Variants in WDFY4 observed in about 807,000 individuals in gnomAD.
The protein encoded by WDFY4 is WDFY family member 4.
A neutral mutation model predicts 351.9 loss-of-function variants in WDFY4; 169 were observed. The observed-to-expected ratio is 0.48, with a 90% confidence interval of 0.42 to 0.55. WDFY4 has a LOEUF of 0.55. WDFY4 is among the 20% of genes least tolerant of loss of function. WDFY4 has a pLI of 0.00. For synonymous variants in WDFY4, 1,622 were observed against 1,574.6 expected (o/e 1.03, Z -0.71); for missense variants, 3,803 against 3,935.6 (o/e 0.97, Z 0.90).
chr10:48,692,301 G>T (rs1005137388), intron 1 of WDFY4, among the ~76,000 whole-genome samples: 3 of 152,188 alleles, frequency 2.0e-5, no homozygotes, highest in African/African-American at 7.2e-5. Flanking sequence ...TGTGGGCCAG[G>T]ACACCTTTAC....
At chr10:48,970,899 C>A (rs1370947199) in intron 57 of WDFY4, among the ~76,000 whole-genome samples, 1 of 152,154 alleles carries the variant, frequency 6.6e-6, no homozygotes, top group Non-Finnish European at 1.5e-5. Context: ...ACCACCAGCC[C>A]TCATAGAGAA....
At position 48,808,784 on chromosome 10, in the gene WDFY4, A is replaced by G. The variant is rs544143424; in HGVS notation, c.4838+826A>G. Reference sequence around the variant, plus strand: ...AGCCACTTTCTTTTCCATCTTTTTGAAAGGGAATGTAGTGCAGTGCCTAAC... The same window carrying G: ...AGCCACTTTCTTTTCCATCTTTTTGGAAGGGAATGTAGTGCAGTGCCTAAC... On this transcript the variant is annotated intron_variant, in intron 28 of 61. Transcript: ENST00000325239. Among the ~76,000 whole-genome samples, 17 of 152,308 alleles carry G rather than the reference A, an allele frequency of 1.1e-4. No homozygotes were observed. In the South Asian group the frequency reaches 3.1e-3, roughly 28 times the overall value.
chr10:48,951,484 A>C (rs189885026), intron 51 of WDFY4, among the ~76,000 whole-genome samples: 2 of 152,308 alleles, frequency 1.3e-5, no homozygotes, highest in Admixed American at 6.5e-5. Flanking sequence ...GCATGATCAT[A>C]GTTCATAGCA....
At chr10:48,786,951 G>A in intron 20 of WDFY4, 81 bp downstream of exon 20, 1 of 1,284,628 alleles carries the variant, frequency 7.8e-7, no homozygotes, top group Non-Finnish European at 1.1e-6. Flanking sequence ...CAGATTTGCA[G>A]AGAATAAGCT....
At chr10:48,690,773 T>C (rs566778867) in intron 1 of WDFY4, among the ~76,000 whole-genome samples, 1 of 152,276 alleles carries the variant, frequency 6.6e-6, no homozygotes, top group Non-Finnish European at 1.5e-5. Flanking sequence ...CTCTCCATCC[T>C]CTGCTCTGTT....
In WDFY4 at chr10:48,743,319, G is replaced by T. The variant is rs2064912272; in HGVS notation, c.2230G>T (p.Asp744Tyr). 1 of 1,551,534 alleles carries T rather than the reference G, an allele frequency of 6.4e-7. No individual in the cohort carries two copies. The highest frequency in any genetic ancestry group is 1.4e-5 in the African/African-American group (1 of 73,042). ...GGACACAAAGGCCAGGCCATTTGCA[G>T]ATTTGCTGGGCACTGCCTTTTCCTC... Reference protein sequence around the residue: ...WVDTKARPFADLLGTAFSSSG... With the variant: ...WVDTKARPFAYLLGTAFSSSG... The change falls in exon 12 of 62, where the codon GAT becomes TAT. Residue 744 changes from aspartate (D) to tyrosine (Y), a missense_variant. Physicochemically the swap from Asp to Tyr is radical, Grantham distance 160. Coordinates refer to ENST00000325239, the MANE Select transcript of WDFY4 (RefSeq NM_001394531.1).
In WDFY4 at chr10:48,811,700, G is replaced by A. The variant is rs931564189; in HGVS notation, c.5206G>A (p.Gly1736Arg). The change falls in exon 30 of 62, where the codon GGG becomes AGG. Residue 1736 changes from glycine (G) to arginine (R), a missense_variant. Around this residue, in one of 3 missense-constraint regions of WDFY4, gnomAD observed 3,054 missense variants for 3,148.6 expected, o/e 0.97. Transcript: ENST00000325239. ...GACACCACTCACAGAGCTGATGGAC[G>A]GGCCCAAAGTAGGTTTTCAGAGCAC... ...LQTPLTELMD[G>R]PKDSLDAMLQ... 29 of 1,551,472 alleles carry A rather than the reference G, an allele frequency of 1.9e-5. No homozygotes were observed. The highest frequency in any genetic ancestry group is 1.7e-4 in the Middle Eastern group (1 of 6,010).
At chr10:48,922,362 A>C (rs985526664) in intron 47 of WDFY4, among the ~76,000 whole-genome samples, 3 of 152,182 alleles carry the variant, frequency 2.0e-5, no homozygotes, top group African/African-American at 7.2e-5. Flanking sequence ...TGATGCTGGT[A>C]GTTCAGATAT....
intron 39 of WDFY4, among the ~76,000 whole-genome samples, chr10:48,842,319 T>G (rs937305180): frequency 2.2e-4 from 34 of 151,926 alleles, no homozygotes; most frequent in African/African-American, 8.0e-4. Context: ...GGCATCATCA[T>G]TGCACAGCAG....
chr10:48,980,360 T>C (rs1842759522), intron 60 of WDFY4, among the ~76,000 whole-genome samples: 1 of 152,224 alleles, frequency 6.6e-6, no homozygotes, highest in Non-Finnish European at 1.5e-5. Flanking sequence ...GATATTTGCA[T>C]GTGTGTCCTC....
At chr10:48,807,678 C>A (rs112723817) in intron 27 of WDFY4, among the ~76,000 whole-genome samples, 181 bp from the exon 28 acceptor site, 40 of 152,260 alleles carry the variant, frequency 2.6e-4, no homozygotes, top group Non-Finnish European at 5.1e-4. Context: ...ACTTCAGTAA[C>A]ATTTTCTGAA....
At chr10:48,691,474 C>T (rs1053690643) in intron 1 of WDFY4, among the ~76,000 whole-genome samples, 7 of 152,160 alleles carry the variant, frequency 4.6e-5, no homozygotes, top group Non-Finnish European at 8.8e-5. Flanking sequence ...CCCTGCTGGC[C>T]GGCTGGCAAC....
At chr10:48,918,460 A>G (rs187219531) in intron 47 of WDFY4, among the ~76,000 whole-genome samples, 75 of 152,364 alleles carry the variant, frequency 4.9e-4, no homozygotes, top group Non-Finnish European at 9.8e-4. Flanking sequence ...TTTCAGAACA[A>G]GAAAATTTAC....
At chr10:48,979,550 A>AATGG (rs1158054684) in intron 60 of WDFY4, 2 of 147,822 alleles carry the variant, frequency 1.4e-5, no homozygotes, top group African/African-American at 5.1e-5. Flanking sequence ...TGGATGGGTA[A>AATGG]ATGGATGGAT....
Position 48,788,515 on chromosome 10 carries a change from G to A in WDFY4, c.3809-15G>A, listed in dbSNP as rs886305701. ...TAAAGTTAGACTAGAAATGTTTAAA[G>A]ATGTGTTGTTACAGGGGAGGACCTG... On this transcript the variant is annotated splice_polypyrimidine_tract_variant and intron_variant, in intron 20 of 61. Coordinates refer to ENST00000325239, the MANE Select transcript of WDFY4 (RefSeq NM_001394531.1). 3 of 1,550,464 alleles carry A rather than the reference G, an allele frequency of 1.9e-6. No homozygotes were observed. In the African/African-American group the frequency reaches 4.1e-5, roughly 21 times the overall value.
In WDFY4 at chr10:48,830,682, A is replaced by G. The variant is rs184503871; in HGVS notation, c.6341-18A>G. 7.2e-5 allele frequency: 111 copies of G among 1,548,188 alleles called. No individual in the cohort carries two copies. The East Asian group carries it at 2.5e-3, about 35-fold the overall frequency. ...TCACTGAGGCCATCCTGAGTGTGCC[A>G]TGTGCTCTCTCTGCTAGTCCAACAC... On this transcript the variant is annotated intron_variant, in intron 37 of 61. Transcript: ENST00000325239.
chr10:48,978,339 G>A lies in WDFY4; in HGVS notation c.9322G>A (p.Val3108Ile). 6.4e-7 allele frequency: 1 copy of A among 1,551,428 alleles called. No homozygotes were observed. The highest frequency in any genetic ancestry group is 2.4e-5 in the East Asian group (1 of 40,896). Residue 3108 changes from valine (V) to isoleucine (I), a missense_variant, in exon 60 of 62, where the codon GTT (valine) becomes ATT (isoleucine). Val to Ile is a conservative substitution (Grantham distance 29). Transcript: ENST00000325239. ...GAAGACTGAGGATGTGAAGATGTCT[G>A]TTCCTGGACGGCCAGCAGGAGAGGA... ...VWKTEDVKMS[V>I]PGRPAGEEPP...
chr10:48,905,460 C>T (rs1009301573), intron 47 of WDFY4, among the ~76,000 whole-genome samples: 3 of 152,218 alleles, frequency 2.0e-5, no homozygotes, highest in African/African-American at 4.8e-5. Context: ...TTCTGTGGTA[C>T]AGTTGAGCCC....
At chr10:48,886,856 AT>A (rs1305576583) in intron 43 of WDFY4, among the ~76,000 whole-genome samples, 1 of 152,212 alleles carries the variant, frequency 6.6e-6, no homozygotes, top group Non-Finnish European at 1.5e-5. Flanking sequence ...CATTCAGTTG[AT>A]CTTAAAAAAG....
Sources: allele counts gnomAD v4.1 joint callset (sites outside exome capture counted in the v4.1 genomes callset), GRCh38; gene constraint gnomAD v4.1.1; regional missense constraint gnomAD v4.1.1; transcripts MANE v1.5; gene names NCBI Gene and HGNC (gene_info 2026-07-23, HGNC 2026-07-21).